GRIK4: variants seen among roughly 807,000 people sequenced by gnomAD.
GRIK4 encodes glutamate receptor ionotropic, kainate 4.
Under a neutral mutation model 104.9 loss-of-function variants are expected in GRIK4, and 40 were observed. The observed-to-expected ratio is 0.38, with a 90% confidence interval of 0.30 to 0.50. The LOEUF (loss-of-function observed/expected upper bound fraction) is 0.50, where lower values mean the gene tolerates loss of function less well. Ranked by LOEUF, GRIK4 falls within the 20% of genes least tolerant of loss-of-function variation. The probability of loss-of-function intolerance (pLI) is 0.93; values close to 1 mark genes in which losing one functional copy is unlikely to be tolerated. For synonymous variants in GRIK4, 485 were observed against 524.9 expected (o/e 0.92, Z 1.04); for missense variants, 1,047 against 1,308.1 (o/e 0.80, Z 3.08).
At chr11:120,629,892 G>A (rs909202000) in intron 1 of GRIK4, among the ~76,000 whole-genome samples, 1 of 152,212 alleles carries the variant, frequency 6.6e-6, no homozygotes, top group African/African-American at 2.4e-5. Flanking sequence ...CCTCTCTGCT[G>A]ACGGGGCCTG....
chr11:120,772,728 A>G (rs1951970968), intron 3 of GRIK4, among the ~76,000 whole-genome samples: 1 of 149,850 alleles, frequency 6.7e-6, no homozygotes, highest in Non-Finnish European at 1.5e-5. Context: ...GTTTTGGGAG[A>G]GAGGGCATGG....
intron 8 of GRIK4, among the ~76,000 whole-genome samples, chr11:120,855,290 T>G (rs944360212): frequency 2.6e-5 from 4 of 152,298 alleles, no homozygotes; most frequent in African/African-American, 9.6e-5. Context: ...TTCTAATTCC[T>G]TCCCACCTGC....
chr11:120,585,994 C>A (rs921836390), intron 1 of GRIK4, among the ~76,000 whole-genome samples: 2 of 144,504 alleles, frequency 1.4e-5, no homozygotes, highest in African/African-American at 5.9e-5. Flanking sequence ...GCCCATGGGG[C>A]ATAAGAGTGT....
intron 3 of GRIK4, among the ~76,000 whole-genome samples, chr11:120,709,446 A>G (rs907697313): frequency 6.6e-6 from 1 of 152,170 alleles, no homozygotes; most frequent in Non-Finnish European, 1.5e-5. Flanking sequence ...ATCTGAAAAT[A>G]GGGGTTCAGT....
At chr11:120,847,273 T>C (rs551406435) in intron 8 of GRIK4, among the ~76,000 whole-genome samples, 2 of 152,294 alleles carry the variant, frequency 1.3e-5, no homozygotes, top group Admixed American at 1.3e-4. Flanking sequence ...TAGATCAGCA[T>C]TAACTGAGCA....
At chr11:120,805,563 C>A (rs530937261) in intron 4 of GRIK4, among the ~76,000 whole-genome samples, 11 of 152,128 alleles carry the variant, frequency 7.2e-5, no homozygotes, top group Non-Finnish European at 1.3e-4. Flanking sequence ...AGCAAGTGGG[C>A]CTCAGTTCAG....
chr11:120,925,455 T>C, intron 13 of GRIK4, among the ~76,000 whole-genome samples: 1 of 152,028 alleles, frequency 6.6e-6, no homozygotes, highest in East Asian at 1.9e-4. Context: ...CCCTTGCTCA[T>C]TAGTTCAGGT....
At chr11:120,726,136 T>C (rs1951023968) in intron 3 of GRIK4, among the ~76,000 whole-genome samples, 1 of 152,094 alleles carries the variant, frequency 6.6e-6, no homozygotes, top group Non-Finnish European at 1.5e-5. Flanking sequence ...CATTTGAACA[T>C]GTTTTGGGGA....
intron 1 of GRIK4, among the ~76,000 whole-genome samples, chr11:120,642,007 C>T (rs890991850): frequency 5.9e-5 from 9 of 152,130 alleles, no homozygotes; most frequent in African/African-American, 1.2e-4. Context: ...TGCTCTGTTC[C>T]GGTGTTCCCA....
chr11:120,627,572 C>T (rs746197405), intron 1 of GRIK4, among the ~76,000 whole-genome samples: 11 of 152,190 alleles, frequency 7.2e-5, no homozygotes, highest in Admixed American at 1.3e-4. Context: ...GGAATGAGCC[C>T]GGCAGTTCCT....
At chr11:120,598,686 G>C (rs1948839419) in intron 1 of GRIK4, among the ~76,000 whole-genome samples, 1 of 152,150 alleles carries the variant, frequency 6.6e-6, no homozygotes, top group African/African-American at 2.4e-5. Flanking sequence ...GGACCACATG[G>C]CCTCTTATCT....
intron 10 of GRIK4, 61 bp from the exon 11 acceptor site, chr11:120,875,078 G>A (rs1050368633): frequency 9.6e-7 from 1 of 1,046,906 alleles, no homozygotes; most frequent in African/African-American, 1.6e-5. Context: ...TAGAAATCTT[G>A]CTTGGGGGCA....
At chr11:120,753,933 G>T (rs1951606679) in intron 3 of GRIK4, among the ~76,000 whole-genome samples, 1 of 152,150 alleles carries the variant, frequency 6.6e-6, no homozygotes, top group African/African-American at 2.4e-5. Flanking sequence ...CAAGAAGAAA[G>T]CCCATCCCCT....
intron 3 of GRIK4, among the ~76,000 whole-genome samples, chr11:120,798,856 G>C (rs141345136): frequency 5.6e-4 from 85 of 152,296 alleles, no homozygotes; most frequent in African/African-American, 2.0e-3. Context: ...TTGTCCTACA[G>C]ACCCTATTTT....
intron 6 of GRIK4, among the ~76,000 whole-genome samples, chr11:120,822,367 T>C (rs12295088): frequency 0.053 from 8,062 of 152,050 alleles, 720 homozygotes; most frequent in African/African-American, 0.18. Flanking sequence ...GCCCAGAAGG[T>C]AGCTTGGTTT....
intron 3 of GRIK4, among the ~76,000 whole-genome samples, chr11:120,708,147 G>A (rs1950661506): frequency 6.6e-6 from 1 of 152,146 alleles, no homozygotes; most frequent in African/African-American, 2.4e-5. Flanking sequence ...CCATGGAGAA[G>A]GAATGGCCAT....
chr11:120,856,121 G>A (rs1954099709), intron 8 of GRIK4, among the ~76,000 whole-genome samples: 1 of 152,214 alleles, frequency 6.6e-6, no homozygotes, highest in South Asian at 2.1e-4. Context: ...CTGTGTGCCA[G>A]GCACTTCTCA....
intron 19 of GRIK4, among the ~76,000 whole-genome samples, chr11:120,973,991 T>C (rs1944519418): frequency 6.6e-6 from 1 of 151,944 alleles, no homozygotes; most frequent in Non-Finnish European, 1.5e-5. Context: ...CACTGCAACC[T>C]TCACCTCCTG....
At chr11:120,853,615 C>G (rs1305310280) in intron 8 of GRIK4, among the ~76,000 whole-genome samples, 1 of 152,168 alleles carries the variant, frequency 6.6e-6, no homozygotes, top group Non-Finnish European at 1.5e-5. Context: ...ATTCTAAATT[C>G]TAGCTTGATT....
Sources: allele counts gnomAD v4.1 joint callset (sites outside exome capture counted in the v4.1 genomes callset), GRCh38; gene constraint gnomAD v4.1.1; transcripts MANE v1.5; gene names NCBI Gene and HGNC (gene_info 2026-07-23, HGNC 2026-07-21).